The following C16orf87 variants were observed in gnomAD, a reference collection of about 807,000 sequenced individuals.
C16orf87 encodes HDAC and MIER1 interacting protein 1.
Under a neutral mutation model 21.0 loss-of-function variants are expected in C16orf87, and 13 were observed. The ratio of observed to expected loss-of-function variants is 0.62; its 90% confidence interval spans 0.40 to 0.98. The LOEUF (loss-of-function observed/expected upper bound fraction) is 0.98, where lower values mean the gene tolerates loss of function less well. Ranked by LOEUF, C16orf87 falls within the 50% of genes least tolerant of loss-of-function variation. C16orf87 has a pLI of 0.00. For synonymous variants in C16orf87, 49 were observed against 60.2 expected (o/e 0.81, Z 0.86); for missense variants, 113 against 180.4 (o/e 0.63, Z 2.14).
chr16:46,825,737 C>T (rs915103657), intron 1 of C16orf87, among the ~76,000 whole-genome samples: 3 of 151,772 alleles, frequency 2.0e-5, no homozygotes, highest in African/African-American at 7.3e-5. Context: ...CATGGTGAAA[C>T]CCCGTCCCTA....
chr16:46,802,935 G>T lies in C16orf87; in HGVS notation c.*17C>A. The T allele has an allele frequency of 8.2e-7, 1 of 1,215,788 alleles. No individual in the cohort carries two copies. The highest frequency in any genetic ancestry group is 1.2e-6 in the Non-Finnish European group (1 of 821,522). 75.3% of individuals were successfully genotyped at this position (1,215,788 alleles called of 1,614,324 possible). A position where few individuals can be genotyped will look rare whatever the true frequency, so the allele number is the denominator to read the frequency against. On this transcript the variant is annotated 3_prime_UTR_variant, in exon 4 of 4. Coordinates refer to ENST00000285697, the MANE Select transcript of C16orf87 (RefSeq NM_001001436.4). ...TGTTATCCTGACAGAAGTTTCAGCA[G>T]ATTTTGCAAACAAGTATCAGAGAAT...
intron 3 of C16orf87, chr16:46,807,985 T>C (rs1363258276): frequency 4.4e-6 from 2 of 454,668 alleles, no homozygotes; most frequent in Middle Eastern, 3.3e-4. Context: ...AAGCATTCTC[T>C]TCTTTCAGCT....
chr16:46,819,234 A>G (rs1454855331), intron 2 of C16orf87, among the ~76,000 whole-genome samples: 1 of 152,136 alleles, frequency 6.6e-6, no homozygotes, highest in African/African-American at 2.4e-5. Context: ...TAACATCACC[A>G]TGCCTGGCTA....
Position 46,796,754 on chromosome 16 carries a change from C to T in C16orf87, c.*6198G>A, listed in dbSNP as rs1967616887. 1 of 151,950 alleles carries T rather than the reference C, an allele frequency of 6.6e-6. No homozygotes were observed. 9.4% of individuals were successfully genotyped at this position (151,950 alleles called of 1,614,324 possible). ...AGGTTCTGAGATCTGTGAGATAATACCAAAGAGTCTAACACTTGCATCACT... is the reference window on the plus strand; with the variant it reads ...AGGTTCTGAGATCTGTGAGATAATATCAAAGAGTCTAACACTTGCATCACT... On this transcript the variant is annotated 3_prime_UTR_variant, in exon 4 of 4. Transcript: ENST00000285697.
chr16:46,807,968 C>G (rs1443290972), intron 3 of C16orf87: 1 of 452,686 alleles, frequency 2.2e-6, no homozygotes, highest in Admixed American at 2.4e-5. Context: ...CTCTCACCCA[C>G]CACCAGAAGC....
Position 46,800,724 on chromosome 16 carries a change from T to C in C16orf87, c.*2228A>G, listed in dbSNP as rs899847084. The C allele has an allele frequency of 6.6e-6, 1 of 152,222 alleles. No homozygotes were observed. The highest frequency in any genetic ancestry group is 1.5e-5 in the Non-Finnish European group (1 of 68,036). 9.4% of individuals were successfully genotyped at this position (152,222 alleles called of 1,614,324 possible). ...ACACCAGTGACAAAGTAATATTTTC[T>C]GGGACCATTACAACATGCCTAGACA... is the stretch of plus-strand genomic sequence containing the variant. On this transcript the variant is annotated 3_prime_UTR_variant, in exon 4 of 4. Coordinates refer to ENST00000285697, the MANE Select transcript of C16orf87 (RefSeq NM_001001436.4).
chr16:46,810,913 A>G (rs1449682526), intron 2 of C16orf87, among the ~76,000 whole-genome samples: 1 of 152,210 alleles, frequency 6.6e-6, no homozygotes, highest in Non-Finnish European at 1.5e-5. Flanking sequence ...GAAATATATC[A>G]AGCATATGAG....
chr16:46,827,849 C>A (rs867944774), intron 1 of C16orf87, among the ~76,000 whole-genome samples: 1 of 151,002 alleles, frequency 6.6e-6, no homozygotes, highest in Admixed American at 6.6e-5. Flanking sequence ...TTCCAAAGTG[C>A]TGGGATTACA....
At chr16:46,812,650 C>A (rs1968127173) in intron 2 of C16orf87, among the ~76,000 whole-genome samples, 1 of 152,146 alleles carries the variant, frequency 6.6e-6, no homozygotes, top group African/African-American at 2.4e-5. Flanking sequence ...TAAAGTCTAA[C>A]ACTGAATTTG....
chr16:46,822,984 C>T (rs1022742168), intron 2 of C16orf87, among the ~76,000 whole-genome samples: 10 of 152,214 alleles, frequency 6.6e-5, no homozygotes, highest in African/African-American at 2.2e-4. Context: ...ACACTGCAAT[C>T]GCAATGGTCT....
At chr16:46,820,426 G>T (rs927269484) in intron 2 of C16orf87, among the ~76,000 whole-genome samples, 1 of 151,890 alleles carries the variant, frequency 6.6e-6, no homozygotes, top group Non-Finnish European at 1.5e-5. Flanking sequence ...TCATTTTGTG[G>T]GGTTTTAAAA....
intron 1 of C16orf87, among the ~76,000 whole-genome samples, chr16:46,827,934 T>G (rs1425271709): frequency 6.6e-6 from 1 of 150,396 alleles, no homozygotes; most frequent in African/African-American, 2.4e-5. Flanking sequence ...AGTGTTTCAC[T>G]GATTTTTTTA....
intron 2 of C16orf87, among the ~76,000 whole-genome samples, chr16:46,816,789 G>T (rs754560440): frequency 2.6e-5 from 4 of 152,156 alleles, no homozygotes; most frequent in Non-Finnish European, 5.9e-5. Context: ...CCAATGACAG[G>T]TAAGTGAAAC....
chr16:46,830,306 G>GAGAGAGAGAGAC (rs1265325953), intron 1 of C16orf87, among the ~76,000 whole-genome samples: 1 of 149,144 alleles, frequency 6.7e-6, no homozygotes, highest in Non-Finnish European at 1.5e-5. Context: ...GAGAGAGAGA[G>GAGAGAGAGAGAC]AGACACACAG....
intron 2 of C16orf87, among the ~76,000 whole-genome samples, chr16:46,820,731 C>A (rs1205002942): frequency 6.6e-6 from 1 of 152,164 alleles, no homozygotes; most frequent in African/African-American, 2.4e-5. Flanking sequence ...AAGAGCTCTG[C>A]ATTCTAGGTT....
chr16:46,809,663 T>A lies in C16orf87; in HGVS notation c.286A>T (p.Ile96Phe). ...RSRSNSHSDHIRRGRGRPKSA... is the reference protein window; with the variant it reads ...RSRSNSHSDHFRRGRGRPKSA... ...TTAGGTCTTCCTCTTCCTCGTCTGA[T>A]ATGATCTGAATGGCTGTTACTTCGA... Residue 96 changes from isoleucine (I) to phenylalanine (F), a missense_variant, in exon 3 of 4, where the codon ATC (isoleucine) becomes TTC (phenylalanine). Ile to Phe is a conservative substitution (Grantham distance 21). Coordinates refer to ENST00000285697, the MANE Select transcript of C16orf87 (RefSeq NM_001001436.4). The A allele has an allele frequency of 6.2e-7, 1 of 1,613,196 alleles. No individual in the cohort carries two copies. Among genetic ancestry groups the A allele is most frequent in the Non-Finnish European group, 8.5e-7 (1 of 1,179,272 alleles).
At chr16:46,824,810 C>T (rs960381898) in intron 1 of C16orf87, among the ~76,000 whole-genome samples, 6 of 152,074 alleles carry the variant, frequency 3.9e-5, no homozygotes, top group Non-Finnish European at 7.4e-5. Context: ...GGACTACAGG[C>T]ACACGCTACC....
chr16:46,802,971 T>C lies in C16orf87; in HGVS notation c.446A>G (p.Asn149Ser), dbSNP rs1035302788. ...CAAGTATCAGAGAATAAGTCTTTGA[T>C]TGATAATTTTTCTATTTATTTCTGC... ...ALAEINRKII[N>S]QRLIL The change falls in exon 4 of 4, where the codon AAT becomes AGT. Residue 149 changes from asparagine (N) to serine (S), a missense_variant. Asn to Ser is a conservative substitution (Grantham distance 46). Transcript: ENST00000285697. The C allele has an allele frequency of 1.8e-5, 29 of 1,571,330 alleles. No homozygotes were observed. Among genetic ancestry groups the C allele is most frequent in the East Asian group, 2.2e-5 (1 of 44,676 alleles).
rs1967707095 is a variant in C16orf87, at chr16:46,799,291, T to A, written c.*3661A>T. The A allele has an allele frequency of 6.6e-6, 1 of 152,004 alleles. No homozygotes were observed. The highest frequency in any genetic ancestry group is 1.5e-5 in the Non-Finnish European group (1 of 67,988). 9.4% of individuals were successfully genotyped at this position (152,004 alleles called of 1,614,324 possible). ...CAAAAGAATAATTTAAAAAAATAGT[T>A]CCCTAGAAAATAGATCCTGAGAATA... On this transcript the variant is annotated 3_prime_UTR_variant, in exon 4 of 4. Coordinates refer to ENST00000285697, the MANE Select transcript of C16orf87 (RefSeq NM_001001436.4).
Sources: allele counts gnomAD v4.1 joint callset (sites outside exome capture counted in the v4.1 genomes callset), GRCh38; gene constraint gnomAD v4.1.1; transcripts MANE v1.5; gene names NCBI Gene and HGNC (gene_info 2026-07-23, HGNC 2026-07-21).